The following ENO1 variants were observed in gnomAD, a reference collection of about 807,000 sequenced individuals.
The protein encoded by ENO1 is enolase 1.
In ENO1, 33 loss-of-function variants were observed where a neutral mutation model predicts 46.3. The ratio of observed to expected loss-of-function variants is 0.71; its 90% CI spans 0.54 to 0.95. ENO1 has a LOEUF of 0.95. Among genes scored for constraint, ENO1 ranks in the 40% least tolerant of loss-of-function variants. The probability of loss-of-function intolerance (pLI) is 0.00; values close to 1 mark genes in which losing one functional copy is unlikely to be tolerated. For missense variants in ENO1, 488 were observed against 553.3 expected, an observed-to-expected ratio of 0.88 and a Z score of 1.18; for synonymous variants, 220 against 216.0, an observed-to-expected ratio of 1.02 and a Z score of -0.16.
In ENO1 at chr1:8,861,405, C is replaced by CT. The variant is rs1642399312; in HGVS notation, c.1259dup (p.Ala421GlyfsTer2). On this transcript the variant is annotated frameshift_variant, in exon 12 of 12. Transcript: ENST00000234590. LOFTEE classifies it high-confidence loss of function. Reference sequence around the variant, plus strand: ...TGAAGTTCCTGCCGGCAAACTTAGCCTTGCTGCCCAGCTCCTCTTCAATTC... The same window carrying CT: ...TGAAGTTCCTGCCGGCAAACTTAGCCTTTGCTGCCCAGCTCCTCTTCAATTC... The CT allele has an allele frequency of 6.2e-7, 1 of 1,614,132 alleles. No individual in the cohort carries two copies. The highest frequency in any genetic ancestry group is 1.3e-5 in the African/African-American group (1 of 75,016).
intron 7 of ENO1, 162 bp downstream of exon 7, chr1:8,866,112 AAAATG>A: frequency 1.8e-6 from 1 of 567,830 alleles, no homozygotes; most frequent in Non-Finnish European, 3.0e-6. Flanking sequence ...TAAGTAAAAT[AAAATG>A]AAGCTCCCCT....
intron 4 of ENO1, 107 bp downstream of exon 4, chr1:8,870,345 G>A: frequency 7.1e-7 from 1 of 1,399,252 alleles, no homozygotes; most frequent in Non-Finnish European, 1.0e-6. Flanking sequence ...AATCCAATAG[G>A]CTTCTACAGC....
At chr1:8,867,552 ATT>A (rs34092287) in intron 5 of ENO1, among the ~76,000 whole-genome samples, 68 of 83,334 alleles carry the variant, frequency 8.2e-4, no homozygotes, top group South Asian at 2.1e-3. Context: ...TTCAAAAAAA[ATT>A]TTTTTTTTTC....
intron 4 of ENO1, among the ~76,000 whole-genome samples, chr1:8,869,491 TGGA>T (rs764846890): frequency 1.3e-5 from 2 of 152,026 alleles, no homozygotes; most frequent in Non-Finnish European, 2.9e-5. Flanking sequence ...AATGAATTCA[TGGA>T]GGAGAGGGAC....
intron 3 of ENO1, chr1:8,871,351 A>G (rs1017896834): frequency 1.0e-6 from 1 of 991,658 alleles, no homozygotes; most frequent in African/African-American, 1.7e-5. Flanking sequence ...TGTTGCACAC[A>G]CACTAAGTCA....
rs2230874 is a variant in ENO1 at position 8,865,415 on chromosome 1, G to A, written c.735C>T (p.Asp245=). The A allele has an allele frequency of 2.7e-3, 4,396 of 1,614,006 alleles. 104 individuals carry two copies. In the African/African-American group the frequency reaches 0.053, roughly 19 times the overall value. ...GYTDKVVIGM[D]VAASEFFRSG... is the part of the protein sequence containing the mutation. ...ACCTGAAGAACTCGGAGGCCGCTAC[G>A]TCCATGCCGATGACCACCTTATCAG... Residue 245 remains aspartate, a synonymous_variant, in exon 8 of 12, where the codon GAC becomes GAT. Transcript: ENST00000234590.
chr1:8,869,844 G>A (rs1263962935), intron 4 of ENO1, among the ~76,000 whole-genome samples: 4 of 152,192 alleles, frequency 2.6e-5, no homozygotes, highest in African/African-American at 7.2e-5. Context: ...ACAGGTGTGA[G>A]CCACTGCACC....
chr1:8,863,391 CCAT>C, intron 9 of ENO1, 48 bp from the exon 10 acceptor site: 1 of 1,561,324 alleles, frequency 6.4e-7, no homozygotes, highest in Non-Finnish European at 8.7e-7. Flanking sequence ...TTTTCTGGTT[CCAT>C]AACCCCCAAT....
chr1:8,874,577 C>CAAAAAAAAAAAAAAAAAAAAAAAA (rs140269736), intron 2 of ENO1, among the ~76,000 whole-genome samples: 38 of 51,570 alleles, frequency 7.4e-4, no homozygotes, highest in Non-Finnish European at 1.0e-3. Context: ...GACTCCATCT[C>CAAAAAAAAAAAAAAAAAAAAAAAA]AAAAAAAAAA....
chr1:8,871,936 C>A lies in ENO1; in HGVS notation c.136G>T (p.Ala46Ser). 1 of 1,614,166 alleles carries A rather than the reference C, an allele frequency of 6.2e-7. No homozygotes were observed. The highest frequency in any genetic ancestry group is 8.5e-7 in the Non-Finnish European group (1 of 1,180,016). ...TTATCATTGTCCCGGAGCTCTAGGG[C>A]CTCATAGATACCAGTTGAAGCACCA... ...PSGASTGIYE[A>S]LELRDNDKTR... Residue 46 changes from alanine (A) to serine (S), a missense_variant, in exon 3 of 12, where the codon GCC (alanine) becomes TCC (serine). By Grantham distance (99) the Ala-to-Ser change is moderately conservative. Transcript: ENST00000234590.
At chr1:8,872,796 T>C (rs1642661046) in intron 2 of ENO1, among the ~76,000 whole-genome samples, 1 of 152,156 alleles carries the variant, frequency 6.6e-6, no homozygotes, top group Admixed American at 6.6e-5. Flanking sequence ...AGGGGTTCTA[T>C]GCCCAACTGG....
intron 2 of ENO1, among the ~76,000 whole-genome samples, chr1:8,874,414 C>A (rs1439705747): frequency 6.6e-6 from 1 of 151,290 alleles, no homozygotes; most frequent in African/African-American, 2.4e-5. Flanking sequence ...CCCGTCTCTC[C>A]CAAAAATGCA....
chr1:8,861,351 G>A lies in ENO1; in HGVS notation c.*9C>T. The stretch of plus-strand genomic sequence containing the variant: ...CAACAGGTGACCGAAGGGCTTGCCT[G>A]CCCACAGCTTACTTGGCCAAGGGGT... On this transcript the variant is annotated 3_prime_UTR_variant, in exon 12 of 12. Transcript: ENST00000234590. 1.2e-6 allele frequency: 2 copies of A among 1,613,536 alleles called. No individual in the cohort carries two copies. The highest frequency in any genetic ancestry group is 1.1e-5 in the South Asian group (1 of 91,042).
In ENO1 at chr1:8,861,205, A is replaced by G; in HGVS notation, c.*155T>C. 1 of 683,694 alleles carries G rather than the reference A, an allele frequency of 1.5e-6. No individual in the cohort carries two copies. Among genetic ancestry groups the G allele is most frequent in the Non-Finnish European group, 2.4e-6 (1 of 412,816 alleles). The allele number at this position is 683,694 out of a possible 1,614,324, so 42.4% of individuals were successfully genotyped here. On this transcript the variant is annotated 3_prime_UTR_variant, in exon 12 of 12. Transcript: ENST00000234590. ...CTCCAGGGAGCTTGGCTTCTGTAGAAGTTCTAAGGAAGCGGTACGAACTCC... is the reference window on the plus strand; with the variant it reads ...CTCCAGGGAGCTTGGCTTCTGTAGAGGTTCTAAGGAAGCGGTACGAACTCC...
At chr1:8,876,824 G>A (rs1397071371) in intron 1 of ENO1, among the ~76,000 whole-genome samples, 1 of 150,420 alleles carries the variant, frequency 6.6e-6, no homozygotes, top group Admixed American at 6.6e-5. Context: ...AAACGTCTTA[G>A]GATGTGAAAA....
intron 3 of ENO1, chr1:8,871,132 G>T (rs1642624145): frequency 1.7e-6 from 2 of 1,164,136 alleles, no homozygotes; most frequent in Non-Finnish European, 1.1e-6. Flanking sequence ...ATGTTCGTGT[G>T]TGTAGAGTGC....
intron 1 of ENO1, chr1:8,875,761 G>T (rs1389833223): frequency 6.6e-6 from 1 of 152,084 alleles, no homozygotes; most frequent in African/African-American, 2.4e-5. Context: ...TGTCATTAAT[G>T]ATAACATCTT....
chr1:8,874,880 TCC>T lies in ENO1; in HGVS notation c.27_28del (p.Glu10AspfsTer3). 1 of 1,613,862 alleles carries T rather than the reference TCC, an allele frequency of 6.2e-7. No individual in the cohort carries two copies. The highest frequency in any genetic ancestry group is 8.5e-7 in the Non-Finnish European group (1 of 1,179,864). On this transcript the variant is annotated frameshift_variant, in exon 2 of 12. Transcript: ENST00000234590. LOFTEE classifies it high-confidence loss of function. ...GGGATTCCCGCGAGAGTCAAAGATC[TCC>T]CTGGCATGGATCTTGAGAATAGACA...
intron 11 of ENO1, 54 bp downstream of exon 11, chr1:8,862,833 G>A (rs1266878891): frequency 6.3e-7 from 1 of 1,595,630 alleles, no homozygotes; most frequent in Non-Finnish European, 8.6e-7. Context: ...TACACTGAGT[G>A]CAGGCCCCCA....
Sources: allele counts gnomAD v4.1 joint callset (sites outside exome capture counted in the v4.1 genomes callset), GRCh38; gene constraint gnomAD v4.1.1; transcripts MANE v1.5; gene names NCBI Gene and HGNC (gene_info 2026-07-23, HGNC 2026-07-21).